The following KAZN variants were observed in gnomAD, a reference collection of about 807,000 sequenced individuals.
KAZN encodes kazrin.
KAZN carries 40 observed loss-of-function variants against 87.4 expected under a neutral mutation model. The ratio of observed to expected loss-of-function variants is 0.46; its 90% CI spans 0.36 to 0.60. The LOEUF (loss-of-function observed/expected upper bound fraction) is 0.60. KAZN is among the 20% of genes least tolerant of loss of function. The pLI is 0.00. For missense variants in KAZN, 898 were observed against 1,073.9 expected (o/e 0.84, Z 2.29); for synonymous variants, 466 against 458.3 (o/e 1.02, Z -0.22).
intron 1 of KAZN, among the ~76,000 whole-genome samples, chr1:14,868,586 T>C (rs1248242211): frequency 6.6e-6 from 1 of 151,814 alleles, no homozygotes; most frequent in Non-Finnish European, 1.5e-5. Flanking sequence ...AACTGGAGTC[T>C]TGTAGACCCA....
At chr1:14,906,177 T>TA (rs1557607755) in intron 1 of KAZN, among the ~76,000 whole-genome samples, 1,480 of 33,460 alleles carry the variant, frequency 0.044, 21 homozygotes, top group South Asian at 0.083. Flanking sequence ...AAAAATATAT[T>TA]ATAATAATAA....
chr1:14,251,603 G>A lies in KAZN; in HGVS notation c.249+71011G>A, dbSNP rs148476884. Among the ~76,000 whole-genome samples the A allele has an allele frequency of 3.9e-3, 575 of 148,886 alleles. 2 individuals carry two copies. The highest frequency in any genetic ancestry group is 8.3e-3 in the South Asian group (39 of 4,676). ...AGAAGATCAAGTTGTCACTGGGGTA[G>A]GTCCAGAAAAATCCAGGCACAGTGA... On this transcript the variant is annotated intron_variant, in intron 2 of 16. Transcript: ENST00000636203.
chr1:14,518,625 T>C (rs1194184255), intron 2 of KAZN, among the ~76,000 whole-genome samples: 1 of 152,228 alleles, frequency 6.6e-6, no homozygotes, highest in African/African-American at 2.4e-5. Context: ...GCCTTCCCAT[T>C]GCTGTTGAGC....
At chr1:14,628,353 T>C (rs1008303303) in intron 1 of KAZN, among the ~76,000 whole-genome samples, 3 of 152,222 alleles carry the variant, frequency 2.0e-5, no homozygotes, top group Non-Finnish European at 2.9e-5. Flanking sequence ...TGCAGGAAAT[T>C]TGCCAAGTCG....
intron 2 of KAZN, among the ~76,000 whole-genome samples, chr1:14,438,512 T>C (rs1339619261): frequency 6.6e-6 from 1 of 152,024 alleles, no homozygotes; most frequent in African/African-American, 2.4e-5. Context: ...GGAAGAACAT[T>C]CTAGACATCA....
At chr1:14,239,795 A>C (rs61771841) in intron 2 of KAZN, among the ~76,000 whole-genome samples, 4,587 of 152,082 alleles carry the variant, frequency 0.03, 97 homozygotes, top group Middle Eastern at 0.065. Context: ...TTTTAGACCA[A>C]CTGAGTGTGA....
chr1:14,759,396 C>T lies in KAZN; in HGVS notation c.226+160173C>T, dbSNP rs781196481. Among the ~76,000 whole-genome samples, 4 of 152,162 alleles carry T rather than the reference C, an allele frequency of 2.6e-5. No individual in the cohort carries two copies. In the East Asian group the frequency reaches 5.8e-4, roughly 22 times the overall value. The stretch of plus-strand genomic sequence containing the variant: ...GGAAGAAGAAATTCTTTATCTCCCA[C>T]CCCCTGTTGGAGAGCACTGTTTTAC... On this transcript the variant is annotated intron_variant, in intron 1 of 14. Transcript: ENST00000376030.
chr1:14,466,029 G>A (rs1276181765), intron 2 of KAZN, among the ~76,000 whole-genome samples: 2 of 152,144 alleles, frequency 1.3e-5, no homozygotes, highest in Non-Finnish European at 2.9e-5. Flanking sequence ...TTGCAACTTA[G>A]GCACACACAA....
chr1:14,450,605 AAAC>A (rs1039227441), intron 2 of KAZN, among the ~76,000 whole-genome samples: 2 of 152,206 alleles, frequency 1.3e-5, no homozygotes, highest in African/African-American at 2.4e-5. Context: ...AACAAACAAA[AAAC>A]AACAACAGCA....
intron 1 of KAZN, among the ~76,000 whole-genome samples, chr1:14,167,237 T>G (rs1485762310): frequency 2.0e-5 from 3 of 152,242 alleles, no homozygotes; most frequent in African/African-American, 7.2e-5. Context: ...ATGTGCATTT[T>G]ATCCTAAAAT....
intron 1 of KAZN, chr1:14,692,172 T>C: frequency 2.6e-6 from 1 of 392,150 alleles, no homozygotes; most frequent in Non-Finnish European, 4.7e-6. Flanking sequence ...TGCTTCTTTA[T>C]ATTCCTCAGT....
intron 1 of KAZN, among the ~76,000 whole-genome samples, chr1:14,179,197 G>A (rs146744569): frequency 6.6e-6 from 1 of 152,258 alleles, no homozygotes; most frequent in African/African-American, 2.4e-5. Flanking sequence ...TCTAGGTGTA[G>A]CCCTCCTGCT....
chr1:14,459,075 C>T (rs1667717097), intron 2 of KAZN, among the ~76,000 whole-genome samples: 1 of 152,108 alleles, frequency 6.6e-6, no homozygotes, highest in South Asian at 2.1e-4. Context: ...TGATTGGACT[C>T]CCCCAAGCTT....
At chr1:14,635,121 G>A (rs906275737) in intron 1 of KAZN, among the ~76,000 whole-genome samples, 1 of 152,240 alleles carries the variant, frequency 6.6e-6, no homozygotes, top group Non-Finnish European at 1.5e-5. Flanking sequence ...TACTGGTGCA[G>A]ACTAAGTATT....
At position 14,197,523 on chromosome 1, in the gene KAZN, A is replaced by G. The variant is rs545397316; in HGVS notation, c.249+16931A>G. 2.0e-5 allele frequency among the ~76,000 whole-genome samples: 3 copies of G among 152,080 alleles called. No homozygotes were observed. In the South Asian group the frequency reaches 6.2e-4, roughly 32 times the overall value. ...GCCAACATGGCAAAACCCTGTCTCTACTAAAAATACAAAAATTAGCCAGGC... is the reference window on the plus strand; with the variant it reads ...GCCAACATGGCAAAACCCTGTCTCTGCTAAAAATACAAAAATTAGCCAGGC... On this transcript the variant is annotated intron_variant, in intron 2 of 16. Transcript: ENST00000636203.
At chr1:14,672,596 G>A (rs1639979271) in intron 1 of KAZN, among the ~76,000 whole-genome samples, 1 of 152,170 alleles carries the variant, frequency 6.6e-6, no homozygotes, top group Admixed American at 6.5e-5. Context: ...ACTTAGGTGT[G>A]GGTGGAAGAA....
chr1:14,897,521 AAAAG>A (rs1162092536), intron 1 of KAZN, among the ~76,000 whole-genome samples: 2 of 152,224 alleles, frequency 1.3e-5, no homozygotes, highest in African/African-American at 4.8e-5. Context: ...ATTAAAATGT[AAAAG>A]ATTAAATATT....
intron 1 of KAZN, among the ~76,000 whole-genome samples, chr1:14,713,504 C>A (rs1245473427): frequency 6.6e-6 from 1 of 152,174 alleles, no homozygotes; most frequent in East Asian, 1.9e-4. Context: ...CAGGAGACAT[C>A]TGGAGATATT....
intron 1 of KAZN, among the ~76,000 whole-genome samples, chr1:14,679,122 A>G (rs1640416946): frequency 6.6e-6 from 1 of 152,224 alleles, no homozygotes; most frequent in African/African-American, 2.4e-5. Flanking sequence ...GGTGAAGTCC[A>G]TAAATCAAGA....
Sources: allele counts gnomAD v4.1 joint callset (sites outside exome capture counted in the v4.1 genomes callset), GRCh38; gene constraint gnomAD v4.1.1; transcripts MANE v1.5; gene names NCBI Gene and HGNC (gene_info 2026-07-23, HGNC 2026-07-21).